GYS2: variants seen among roughly 807,000 people sequenced by gnomAD.
GYS2 encodes the protein glycogen [starch] synthase, liver.
Under a neutral mutation model 85.6 loss-of-function variants are expected in GYS2, and 80 were observed. That is an observed-to-expected ratio of 0.93 (90% CI 0.78 to 1.13). The LOEUF is 1.13. GYS2 is among the 50% of genes most tolerant of loss of function. The pLI, the probability that GYS2 is intolerant of heterozygous loss-of-function variation, is 0.00. For synonymous variants in GYS2, 328 were observed against 300.7 expected (o/e 1.09, Z -0.94); for missense variants, 881 against 854.9 (o/e 1.03, Z -0.38).
At chr12:21,583,774 A>G (rs1944539815) in intron 1 of GYS2, among the ~76,000 whole-genome samples, 1 of 152,188 alleles carries the variant, frequency 6.6e-6, no homozygotes. Context: ...CCTATCATGA[A>G]CTGGGTGCTT....
chr12:21,536,734 T>C lies in GYS2; in HGVS notation c.*220A>G. On this transcript the variant is annotated 3_prime_UTR_variant, in exon 16 of 16. Transcript: ENST00000261195. ...TGCCTTTAATGAGTGCTCCTCCTCA[T>C]GCCTAACTTTATGGGGGAAACAAGA... 1.0e-5 allele frequency: 6 copies of C among 579,808 alleles called. No individual in the cohort carries two copies. The South Asian group carries it at 1.2e-4, about 12-fold the overall frequency. 35.9% of individuals were successfully genotyped at this position (579,808 alleles called of 1,614,324 possible).
chr12:21,571,157 C>T (rs1330027423), intron 4 of GYS2, among the ~76,000 whole-genome samples: 2 of 152,134 alleles, frequency 1.3e-5, no homozygotes, highest in Admixed American at 6.5e-5. Context: ...CTGGAGACCC[C>T]GTGAGAGGCC....
intron 11 of GYS2, among the ~76,000 whole-genome samples, chr12:21,551,785 C>G (rs2136861056): frequency 6.6e-6 from 1 of 152,188 alleles, no homozygotes; most frequent in Non-Finnish European, 1.5e-5. Context: ...CAAAAAAAGA[C>G]AAAAGACACA....
chr12:21,535,557 C>A (rs1943902827), downstream of GYS2, among the ~76,000 whole-genome samples: 1 of 152,166 alleles, frequency 6.6e-6, no homozygotes, highest in Admixed American at 6.5e-5. Context: ...AGCTATCTTC[C>A]ATTTTTGTCT....
rs747839076 is a variant in GYS2 at position 21,542,510 on chromosome 12, T to A, written c.1631A>T (p.Asp544Val). The A allele has an allele frequency of 6.2e-7, 1 of 1,609,354 alleles. No homozygotes were observed. The highest frequency in any genetic ancestry group is 8.5e-7 in the Non-Finnish European group (1 of 1,175,748). ...AAAACCCTCACCGTAAGCAGTAGGA[T>A]CAGCCACGTGCTCCTGCATGAAACA... ...FGCFMQEHVADPTAYGIYIVD... is the reference protein window; with the variant it reads ...FGCFMQEHVAVPTAYGIYIVD... The change falls in exon 13 of 16, where the codon GAT (aspartate) becomes GTT (valine). Residue 544 changes from aspartate (D) to valine (V), a missense_variant. Transcript: ENST00000261195.
At chr12:21,598,043 A>G (rs153939) in intron 1 of GYS2, among the ~76,000 whole-genome samples, 148,499 of 152,164 alleles carry the variant, frequency 0.98, 72,576 homozygotes, top group Middle Eastern at 1. Context: ...AGGTAGAGAA[A>G]GGTGTGTACG....
intron 11 of GYS2, among the ~76,000 whole-genome samples, chr12:21,549,000 A>G (rs1413416932): frequency 6.6e-6 from 1 of 152,188 alleles, no homozygotes; most frequent in East Asian, 1.9e-4. Flanking sequence ...TTTACTGTGT[A>G]TTGATTTCTG....
Position 21,563,007 on chromosome 12 carries a change from A to G in GYS2, c.973T>C (p.Phe325Leu). The part of the protein sequence containing the change: ...HLDFDLEKTL[F>L]LFIAGRYEFS... ...TCATACCTCCCAGCAATGAAAAGGA[A>G]CAAAGTCTTTTCAAGATCAAAGTCG... The change falls in exon 7 of 16, where the codon TTC becomes CTC. Residue 325 changes from phenylalanine to leucine, a missense_variant. Coordinates refer to ENST00000261195, the MANE Select transcript of GYS2 (RefSeq NM_021957.4). The G allele has an allele frequency of 6.2e-7, 1 of 1,612,662 alleles. No homozygotes were observed. Among genetic ancestry groups the G allele is most frequent in the Non-Finnish European group, 8.5e-7 (1 of 1,178,776 alleles).
chr12:21,547,811 C>G (rs1307255361), intron 11 of GYS2, among the ~76,000 whole-genome samples: 1 of 151,996 alleles, frequency 6.6e-6, no homozygotes, highest in Non-Finnish European at 1.5e-5. Flanking sequence ...ACAAATATAC[C>G]ACTTTGGGGG....
chr12:21,586,200 G>GA (rs35803281), intron 1 of GYS2, among the ~76,000 whole-genome samples: 4 of 151,878 alleles, frequency 2.6e-5, no homozygotes, highest in Non-Finnish European at 4.4e-5. Flanking sequence ...AAAGCAGGCA[G>GA]AAAAAAAACA....
intron 2 of GYS2, 72 bp downstream of exon 2, chr12:21,580,270 G>T (rs1193480818): frequency 1.5e-6 from 2 of 1,296,482 alleles, no homozygotes; most frequent in East Asian, 4.6e-5. Flanking sequence ...TCTCTTGTGA[G>T]TTCATGTTAG....
At chr12:21,590,912 T>C (rs773742757) in intron 1 of GYS2, among the ~76,000 whole-genome samples, 7 of 152,134 alleles carry the variant, frequency 4.6e-5, no homozygotes, top group Non-Finnish European at 8.8e-5. Flanking sequence ...AAGACTATGC[T>C]GCTGTATGCA....
Position 21,558,287 on chromosome 12 carries a change from CGTG to C in GYS2, c.1332_1334del (p.Thr445del). The C allele has an allele frequency of 6.2e-7, 1 of 1,613,062 alleles. No homozygotes were observed. Among genetic ancestry groups the C allele is most frequent in the Non-Finnish European group, 8.5e-7 (1 of 1,179,156 alleles). The stretch of plus-strand genomic sequence containing the variant: ...CGGTGGAGTCATCAATCATGTTGTG[CGTG>C]GTCACTGGGGGCAATGACTGTCGCT... On this transcript the variant is annotated inframe_deletion, in exon 11 of 16. Transcript: ENST00000261195.
At chr12:21,559,209 T>C (rs1175729097) in intron 9 of GYS2, 40 bp from the exon 10 acceptor site, 1 of 1,106,608 alleles carries the variant, frequency 9.0e-7, no homozygotes, top group Admixed American at 1.7e-5. Flanking sequence ...TAAAAACAGC[T>C]GGCACTAATT....
chr12:21,596,424 G>T (rs549525026), intron 1 of GYS2, among the ~76,000 whole-genome samples: 10 of 151,830 alleles, frequency 6.6e-5, no homozygotes, highest in African/African-American at 2.4e-4. Flanking sequence ...TTCCATGCCA[G>T]GGATGCAGGG....
rs985699447 is a variant in GYS2 at position 21,557,629 on chromosome 12, G to T, written c.1422+571C>A. ...AGTAAGTAATTTCTGGCCGGGCGCG[G>T]TGGCTCACGCCTGTAATCCCAGCAC... On this transcript the variant is annotated intron_variant, in intron 11 of 15. Transcript: ENST00000261195. Among the ~76,000 whole-genome samples, 17 of 152,294 alleles carry T rather than the reference G, an allele frequency of 1.1e-4. No individual in the cohort carries two copies. In the East Asian group the frequency reaches 1.9e-3, roughly 17 times the overall value.
intron 11 of GYS2, among the ~76,000 whole-genome samples, chr12:21,547,441 A>C (rs983287478): frequency 5.9e-5 from 9 of 152,196 alleles, no homozygotes; most frequent in Non-Finnish European, 1.0e-4. Flanking sequence ...TTTAGTGCTA[A>C]AAAGAAATGA....
chr12:21,575,631 C>T (rs1944435738), intron 3 of GYS2, among the ~76,000 whole-genome samples: 1 of 152,012 alleles, frequency 6.6e-6, no homozygotes, highest in African/African-American at 2.4e-5. Flanking sequence ...GTGTTTGATA[C>T]ACATCATGCC....
intron 11 of GYS2, among the ~76,000 whole-genome samples, chr12:21,553,127 G>A (rs570774971): frequency 2.0e-5 from 3 of 152,184 alleles, no homozygotes; most frequent in Non-Finnish European, 4.4e-5. Flanking sequence ...ATAGGTCATT[G>A]CATCCTCAAA....
Sources: allele counts gnomAD v4.1 joint callset (sites outside exome capture counted in the v4.1 genomes callset), GRCh38; gene constraint gnomAD v4.1.1; transcripts MANE v1.5; gene names NCBI Gene and HGNC (gene_info 2026-07-23, HGNC 2026-07-21).